CYP4X1: variants seen among roughly 807,000 people sequenced by gnomAD.
CYP4X1 encodes the protein cytochrome P450 family 4 subfamily X member 1, also known as cytochrome P450 4X1.
In CYP4X1, 44 loss-of-function variants were observed where a neutral mutation model predicts 57.9. The ratio of observed to expected loss-of-function variants is 0.76; its 90% CI spans 0.60 to 0.98. The LOEUF (loss-of-function observed/expected upper bound fraction) is 0.98, where lower values mean the gene tolerates loss of function less well. CYP4X1 is among the 50% of genes least tolerant of loss of function. The probability of loss-of-function intolerance (pLI) is 0.00; values close to 1 mark genes in which losing one functional copy is unlikely to be tolerated. For missense variants in CYP4X1, 532 were observed against 623.9 expected, an observed-to-expected ratio of 0.85 and a Z score of 1.57; for synonymous variants, 227 against 228.6, an observed-to-expected ratio of 0.99 and a Z score of 0.06.
At chr1:46,975,707 A>G in the CYP4X1 span, among the ~76,000 whole-genome samples, 11 of 151,364 alleles carry the variant, frequency 7.3e-5, no homozygotes, top group African/African-American at 2.7e-4. Context: ...TTGCATGGCA[A>G]CCTCTCTAGT....
chr1:46,973,841 A>G, the CYP4X1 span, among the ~76,000 whole-genome samples: 1 of 151,956 alleles, frequency 6.6e-6, no homozygotes, highest in Admixed American at 6.6e-5. Flanking sequence ...GCTGGTGGTC[A>G]GTCAATCTTA....
chr1:47,034,152 A>G (rs1199968021), intron 4 of CYP4X1, among the ~76,000 whole-genome samples: 1 of 152,228 alleles, frequency 6.6e-6, no homozygotes, highest in Admixed American at 6.5e-5. Flanking sequence ...TGTAGGTAAT[A>G]TGGATGAGAG....
chr1:47,024,000 T>TGGGAGGGAGGAGGG lies in CYP4X1; in HGVS notation c.177+7_177+20dup. 2 of 1,610,032 alleles carry TGGGAGGGAGGAGGG rather than the reference T, an allele frequency of 1.2e-6. No homozygotes were observed. The highest frequency in any genetic ancestry group is 1.7e-6 in the Non-Finnish European group (2 of 1,178,154). ...GGTTCCTTGGGCACCAGAAGGTAGA[T>TGGGAGGGAGGAGGG]GGGAGGGAGGAGGGAGGAAGGAGGA... On this transcript the variant is annotated splice_region_variant and intron_variant, in intron 1 of 11. Coordinates refer to ENST00000371901, the MANE Select transcript of CYP4X1 (RefSeq NM_178033.2).
At chr1:46,978,221 G>C in the CYP4X1 span, among the ~76,000 whole-genome samples, 11 of 152,016 alleles carry the variant, frequency 7.2e-5, no homozygotes, top group South Asian at 1.2e-3. Flanking sequence ...GTGCTGTATT[G>C]AGGAGACCCA....
the CYP4X1 span, among the ~76,000 whole-genome samples, chr1:46,976,591 G>A: frequency 2.6e-5 from 4 of 152,146 alleles, no homozygotes; most frequent in East Asian, 7.7e-4. Flanking sequence ...TCTGAAGAGA[G>A]CAATGGTTCT....
intron 8 of CYP4X1, among the ~76,000 whole-genome samples, chr1:47,044,259 T>C (rs1004292433): frequency 2.6e-5 from 4 of 152,320 alleles, no homozygotes; most frequent in Middle Eastern, 3.4e-3. Context: ...TGCTCTACTA[T>C]AGGTTTTTGC....
At chr1:46,998,278 T>A in the CYP4X1 span, among the ~76,000 whole-genome samples, 1 of 152,060 alleles carries the variant, frequency 6.6e-6, no homozygotes, top group East Asian at 1.9e-4. Flanking sequence ...TGGACTCGAG[T>A]GATCCTCCTG....
chr1:46,967,360 T>C, the CYP4X1 span, among the ~76,000 whole-genome samples: 1 of 152,118 alleles, frequency 6.6e-6, no homozygotes, highest in Non-Finnish European at 1.5e-5. Context: ...ACAGCACCAA[T>C]AGGAAACTCA....
chr1:46,998,525 T>C, the CYP4X1 span, among the ~76,000 whole-genome samples: 1 of 152,180 alleles, frequency 6.6e-6, no homozygotes, highest in African/African-American at 2.4e-5. Context: ...TCCCCTCCTG[T>C]AGGTTGTCTG....
At chr1:47,006,923 C>T in the CYP4X1 span, among the ~76,000 whole-genome samples, 8 of 152,314 alleles carry the variant, frequency 5.3e-5, no homozygotes, top group Admixed American at 2.0e-4. Flanking sequence ...GTAAACAAAG[C>T]GGCTGGGAAG....
At chr1:47,048,906 A>G (rs1185768756) in intron 10 of CYP4X1, among the ~76,000 whole-genome samples, 1 of 152,236 alleles carries the variant, frequency 6.6e-6, no homozygotes, top group Admixed American at 6.5e-5. Context: ...TGGCCACATC[A>G]TCATTTTGAC....
the CYP4X1 span, among the ~76,000 whole-genome samples, chr1:47,001,982 A>G: frequency 6.6e-6 from 1 of 152,138 alleles, no homozygotes; most frequent in Non-Finnish European, 1.5e-5. Flanking sequence ...CTCGCCCTCT[A>G]TTGGCTGTGC....
the CYP4X1 span, among the ~76,000 whole-genome samples, chr1:47,010,268 A>G: frequency 6.6e-6 from 1 of 152,224 alleles, no homozygotes; most frequent in Admixed American, 6.5e-5. Context: ...TACGCAAATC[A>G]ATAAATGTAA....
chr1:47,008,849 T>G, the CYP4X1 span, among the ~76,000 whole-genome samples: 1 of 151,996 alleles, frequency 6.6e-6, no homozygotes, highest in Non-Finnish European at 1.5e-5. Context: ...GGTAAAGGGA[T>G]CAATACAACA....
the CYP4X1 span, among the ~76,000 whole-genome samples, chr1:47,002,089 G>A: frequency 6.6e-6 from 1 of 152,246 alleles, no homozygotes; most frequent in African/African-American, 2.4e-5. Context: ...GACACTCAAT[G>A]AGCCATTCAT....
chr1:47,041,137 T>G (rs1644242355), intron 8 of CYP4X1, among the ~76,000 whole-genome samples: 1 of 152,200 alleles, frequency 6.6e-6, no homozygotes, highest in Non-Finnish European at 1.5e-5. Context: ...TTTCTATGGC[T>G]AATTGTTAGT....
At chr1:47,027,371 G>T (rs74599933) in intron 1 of CYP4X1, among the ~76,000 whole-genome samples, 3,906 of 152,046 alleles carry the variant, frequency 0.026, 128 homozygotes, top group African/African-American at 0.073. Flanking sequence ...ACATTTTATT[G>T]CTACATAATA....
intron 8 of CYP4X1, among the ~76,000 whole-genome samples, chr1:47,043,484 G>A (rs1328735394): frequency 2.6e-5 from 4 of 151,736 alleles, no homozygotes; most frequent in Non-Finnish European, 5.9e-5. Context: ...TTATCTTTTC[G>A]TTGTTGTTGT....
chr1:47,048,919 GATTTCTAAGTGGATGCACATCC>G lies in CYP4X1; in HGVS notation c.1272+306_1272+327del, dbSNP rs1368080884. Among the ~76,000 whole-genome samples, 10 of 152,212 alleles carry G rather than the reference GATTTCTAAGTGGATGCACATCC, an allele frequency of 6.6e-5. No homozygotes were observed. In the East Asian group the frequency reaches 9.6e-4, roughly 15 times the overall value. On this transcript the variant is annotated intron_variant, in intron 10 of 11. Coordinates refer to ENST00000371901, the MANE Select transcript of CYP4X1 (RefSeq NM_178033.2). ...ATTGGCCACATCATCATTTTGACTT[GATTTCTAAGTGGATGCACATCC>G]ATTTCTAAGTGGATGTATCTCCATA...
Sources: allele counts gnomAD v4.1 joint callset (sites outside exome capture counted in the v4.1 genomes callset), GRCh38; gene constraint gnomAD v4.1.1; transcripts MANE v1.5; gene names NCBI Gene and HGNC (gene_info 2026-07-23, HGNC 2026-07-21).